ATXN10: variants seen among roughly 807,000 people sequenced by gnomAD.
ATXN10 encodes ataxin 10.
Under a neutral mutation model 52.9 loss-of-function variants are expected in ATXN10, and 28 were observed. That is an observed-to-expected ratio of 0.53 (90% CI 0.39 to 0.73). ATXN10 has a LOEUF of 0.73. Among genes scored for constraint, ATXN10 ranks in the 30% least tolerant of loss-of-function variants. The pLI is 0.00. For synonymous variants in ATXN10, 226 were observed against 221.5 expected (o/e 1.02, Z -0.18); for missense variants, 565 against 577.0 (o/e 0.98, Z 0.21).
At position 45,772,355 on chromosome 22, in the gene ATXN10, T is replaced by G. The variant is rs934268848; in HGVS notation, c.1173+31817T>G. Among the ~76,000 whole-genome samples the G allele has an allele frequency of 6.6e-6, 1 of 152,238 alleles. No individual in the cohort carries two copies. The highest frequency in any genetic ancestry group is 2.4e-5 in the African/African-American group (1 of 41,464). On this transcript the variant is annotated intron_variant, in intron 9 of 11. Transcript: ENST00000252934. This position sits in a 1 kb window ranked among gnomAD's most constrained non-coding sequence, Gnocchi z 4.1. The stretch of plus-strand genomic sequence containing the variant: ...ATCCTTTTTTGTTCATTGAATTGCT[T>G]TTGCACCTTTGTCAAAGATCAAATG...
intron 10 of ATXN10, among the ~76,000 whole-genome samples, chr22:45,829,738 C>T (rs11704000): frequency 0.085 from 12,972 of 152,116 alleles, 704 homozygotes; most frequent in Middle Eastern, 0.16. Flanking sequence ...GAGACATAAA[C>T]GGGAACACAT....
chr22:45,694,170 C>T, intron 3 of ATXN10, among the ~76,000 whole-genome samples: 1 of 151,996 alleles, frequency 6.6e-6, no homozygotes, highest in Non-Finnish European at 1.5e-5. Context: ...AGAGAAACAC[C>T]ACACTTCTTT....
At position 45,845,244 on chromosome 22, in the gene ATXN10, C is replaced by G. The variant is rs1929471256; in HGVS notation, c.*1573C>G. ...GTGCACACCAGTGGAATCGCACAAA[C>G]TTGTCGGTATGAGCTATATAATAAC... On this transcript the variant is annotated 3_prime_UTR_variant, in exon 12 of 12. Coordinates refer to ENST00000252934, the MANE Select transcript of ATXN10 (RefSeq NM_013236.4). This position sits in a 1 kb window ranked among gnomAD's most constrained non-coding sequence, Gnocchi z 4.7. 1 of 152,176 alleles carries G rather than the reference C, an allele frequency of 6.6e-6. No homozygotes were observed. The highest frequency in any genetic ancestry group is 6.5e-5 in the Admixed American group (1 of 15,282). The allele number at this position is 152,176 out of a possible 1,614,324, so 9.4% of individuals were successfully genotyped here.
intron 9 of ATXN10, among the ~76,000 whole-genome samples, chr22:45,773,148 T>C (rs1282002455): frequency 6.6e-6 from 1 of 152,224 alleles, no homozygotes; most frequent in African/African-American, 2.4e-5. Context: ...TGGTTGTTCG[T>C]CTCGCATGTG....
rs1926709402 is a variant in ATXN10 at position 45,769,705 on chromosome 22, T to G, written c.1173+29167T>G. On this transcript the variant is annotated intron_variant, in intron 9 of 11. Coordinates refer to ENST00000252934, the MANE Select transcript of ATXN10 (RefSeq NM_013236.4). This position sits in a 1 kb window ranked among gnomAD's most constrained non-coding sequence, Gnocchi z 4.2. ...GACCTTGAAGCCAGCCTTGGGCATC[T>G]TCCTGGCCAGGAGCCAGGCCTCTTT... 6.6e-6 allele frequency among the ~76,000 whole-genome samples: 1 copy of G among 152,174 alleles called. No homozygotes were observed. Among genetic ancestry groups the G allele is most frequent in the Admixed American group, 6.5e-5 (1 of 15,292 alleles).
chr22:45,793,641 C>G, intron 9 of ATXN10: 1 of 1,390,560 alleles, frequency 7.2e-7, no homozygotes, highest in Non-Finnish European at 9.4e-7. Context: ...GTTCCACCAG[C>G]CTTTGCCAAG....
rs1002950975 is a variant in ATXN10, at chr22:45,770,965, G to A, written c.1173+30427G>A. Among the ~76,000 whole-genome samples the A allele has an allele frequency of 4.6e-5, 7 of 152,176 alleles. No individual in the cohort carries two copies. The highest frequency in any genetic ancestry group is 1.7e-4 in the African/African-American group (7 of 41,428). On this transcript the variant is annotated intron_variant, in intron 9 of 11. Coordinates refer to ENST00000252934, the MANE Select transcript of ATXN10 (RefSeq NM_013236.4). This position sits in a 1 kb window ranked among gnomAD's most constrained non-coding sequence, Gnocchi z 4.5. ...ACCCAGATCCATCCTGGGAGCACTC[G>A]AGGCCAGCCCTTTTGGCTCTCTGCG...
rs953705478 is a variant in ATXN10 at position 45,727,514 on chromosome 22, C to A, written c.729-1911C>A. ...GCTGGATTACAGGCCCCTGCCACCA[C>A]GGCTGGCTAGTTGTTTTTGTATTTT... is the stretch of plus-strand genomic sequence containing the variant. On this transcript the variant is annotated intron_variant, in intron 6 of 11. Transcript: ENST00000252934. The surrounding 1 kb of genome is among the most constrained non-coding windows in gnomAD (Gnocchi z 4.6). Among the ~76,000 whole-genome samples, 2 of 152,052 alleles carry A rather than the reference C, an allele frequency of 1.3e-5. No homozygotes were observed. Among genetic ancestry groups the A allele is most frequent in the African/African-American group, 4.8e-5 (2 of 41,376 alleles).
At chr22:45,767,083 T>C (rs1045227268) in intron 9 of ATXN10, among the ~76,000 whole-genome samples, 2 of 152,258 alleles carry the variant, frequency 1.3e-5, no homozygotes, top group Admixed American at 6.5e-5. Context: ...AAAATTCATA[T>C]GCATTTGCTT....
rs778175595 is a variant in ATXN10 at position 45,842,429 on chromosome 22, C to T, written c.1238-562C>T. Among the ~76,000 whole-genome samples the T allele has an allele frequency of 1.3e-5, 2 of 152,138 alleles. No individual in the cohort carries two copies. Among genetic ancestry groups the T allele is most frequent in the Admixed American group, 6.5e-5 (1 of 15,282 alleles). ...CACAGCAAATCCTTCAAAGCCCTTC[C>T]AGCTTCATCTTTAGAATACTGAATG... is the stretch of plus-strand genomic sequence containing the variant. On this transcript the variant is annotated intron_variant, in intron 10 of 11. Transcript: ENST00000252934. This position sits in a 1 kb window ranked among gnomAD's most constrained non-coding sequence, Gnocchi z 4.8.
chr22:45,839,925 G>A (rs992903336), intron 10 of ATXN10, among the ~76,000 whole-genome samples: 6 of 152,230 alleles, frequency 3.9e-5, no homozygotes, highest in East Asian at 3.8e-4. Flanking sequence ...CCCCACCCAC[G>A]TGGTGAATGA....
intron 1 of ATXN10, chr22:45,680,083 G>A (rs1353908318): frequency 6.6e-6 from 1 of 152,214 alleles, no homozygotes; most frequent in Admixed American, 6.5e-5. Context: ...CAAAGGAACT[G>A]TGGGACTACC....
At position 45,696,739 on chromosome 22, in the gene ATXN10, G is replaced by A. The variant is rs939769893; in HGVS notation, c.392-3543G>A. Among the ~76,000 whole-genome samples, 2 of 152,190 alleles carry A rather than the reference G, an allele frequency of 1.3e-5. No homozygotes were observed. The highest frequency in any genetic ancestry group is 2.4e-5 in the African/African-American group (1 of 41,436). On this transcript the variant is annotated intron_variant, in intron 3 of 11. Coordinates refer to ENST00000252934, the MANE Select transcript of ATXN10 (RefSeq NM_013236.4). This position sits in a 1 kb window ranked among gnomAD's most constrained non-coding sequence, Gnocchi z 4.7. ...CTATCCCAAATGTGCTACAAAAGATGTATTTAGTTTTTACAATATATGGTA... is the reference window on the plus strand; with the variant it reads ...CTATCCCAAATGTGCTACAAAAGATATATTTAGTTTTTACAATATATGGTA...
At chr22:45,699,612 C>T (rs530155428) in intron 3 of ATXN10, among the ~76,000 whole-genome samples, 1 of 150,690 alleles carries the variant, frequency 6.6e-6, no homozygotes, top group Non-Finnish European at 1.5e-5. Flanking sequence ...CTGCCTCAGC[C>T]TCCTAAGTAG....
chr22:45,686,144 A>G (rs144496028), intron 1 of ATXN10, among the ~76,000 whole-genome samples: 81 of 152,244 alleles, frequency 5.3e-4, no homozygotes, highest in African/African-American at 1.9e-3. Context: ...TGCTGACTCA[A>G]AGGGTACTGA....
intron 6 of ATXN10, among the ~76,000 whole-genome samples, chr22:45,729,035 A>G (rs563082278): frequency 6.6e-6 from 1 of 152,346 alleles, no homozygotes; most frequent in African/African-American, 2.4e-5. Context: ...ATTAAGTGAT[A>G]CAATGTGTGT....
At chr22:45,709,688 A>G (rs919824625) in intron 5 of ATXN10, among the ~76,000 whole-genome samples, 1 of 152,120 alleles carries the variant, frequency 6.6e-6, no homozygotes, top group Non-Finnish European at 1.5e-5. Flanking sequence ...GATGATTTCC[A>G]CATTTATGTT....
rs1923890348 is a variant in ATXN10, at chr22:45,702,784, A to G, written c.584A>G (p.Glu195Gly). ...CATGAAAGAATGAAAGAACTGGAGGAGAACCTCAATATTGCAATTGATGTC... is the reference window on the plus strand; with the variant it reads ...CATGAAAGAATGAAAGAACTGGAGGGGAACCTCAATATTGCAATTGATGTC... ...LNHERMKELE[E>G]NLNIAIDVID... The change falls in exon 5 of 12, where the codon GAG (glutamate) becomes GGG (glycine). Residue 195 changes from glutamate to glycine, a missense_variant. Glu to Gly is a moderately conservative substitution (Grantham distance 98). Transcript: ENST00000252934. The G allele has an allele frequency of 3.1e-6, 5 of 1,613,966 alleles. No individual in the cohort carries two copies. The highest frequency in any genetic ancestry group is 3.3e-5 in the Admixed American group (2 of 60,000).
At chr22:45,760,744 G>C (rs551187654) in intron 9 of ATXN10, 1 of 152,974 alleles carries the variant, frequency 6.5e-6, no homozygotes, top group Admixed American at 6.5e-5. Flanking sequence ...GAATGGTTCA[G>C]TAGTGTACCC....
Sources: gnomAD v4.1 joint callset for allele counts (sites outside exome capture counted in the v4.1 genomes callset) on GRCh38, gnomAD v4.1.1 for gene constraint, Gnocchi (gnomAD v3.1) non-coding constraint, MANE v1.5 for transcripts, NCBI Gene and HGNC (gene_info 2026-07-23, HGNC 2026-07-21) for gene names.